CCDC73: variants seen among roughly 807,000 people sequenced by gnomAD.
The protein encoded by CCDC73 is coiled-coil domain-containing protein 73.
CCDC73 carries 95 observed loss-of-function variants against 116.5 expected under a neutral mutation model. That is an observed-to-expected ratio of 0.82 (90% CI 0.69 to 0.97). The LOEUF is 0.97. Ranked by LOEUF, CCDC73 falls within the 50% of genes least tolerant of loss-of-function variation. The pLI is 0.00. For missense variants in CCDC73, 1,066 were observed against 1,206.8 expected (o/e 0.88, Z 1.73); for synonymous variants, 398 against 401.3 (o/e 0.99, Z 0.10).
At chr11:32,636,127 G>A (rs1302354203) in intron 13 of CCDC73, among the ~76,000 whole-genome samples, 2 of 152,092 alleles carry the variant, frequency 1.3e-5, no homozygotes, top group Non-Finnish European at 2.9e-5. Flanking sequence ...AAATGGCAGT[G>A]AGGATTTAAT....
chr11:32,793,118 ATATGAAGCCG>A (rs1337749328), intron 1 of CCDC73, among the ~76,000 whole-genome samples: 1 of 152,206 alleles, frequency 6.6e-6, no homozygotes, highest in African/African-American at 2.4e-5. Context: ...TGACACTACG[ATATGAAGCCG>A]TATGGAAATT....
In CCDC73 at chr11:32,653,221, T is replaced by C; in HGVS notation, c.841A>G (p.Ile281Val). Residue 281 changes from isoleucine to valine, a missense_variant, in exon 12 of 18, where the codon ATC (isoleucine) becomes GTC (valine). Coordinates refer to ENST00000335185, the MANE Select transcript of CCDC73 (RefSeq NM_001008391.4). The part of the protein sequence containing the change: ...THIQEEKQDI[I>V]ISFQHMQQLL... ...TGCTGCATATGTTGGAAAGAAATGA[T>C]GATATCCTTTGAAAATACACAAATA... is the stretch of plus-strand genomic sequence containing the variant. The C allele has an allele frequency of 6.3e-7, 1 of 1,598,986 alleles. No homozygotes were observed. Among genetic ancestry groups the C allele is most frequent in the Non-Finnish European group, 8.6e-7 (1 of 1,168,454 alleles).
intron 2 of CCDC73, among the ~76,000 whole-genome samples, chr11:32,740,728 T>C (rs990130662): frequency 3.3e-5 from 5 of 152,120 alleles, no homozygotes; most frequent in African/African-American, 1.2e-4. Flanking sequence ...GGGTTTGGTT[T>C]GCTCTTGCTT....
intron 1 of CCDC73, among the ~76,000 whole-genome samples, chr11:32,768,098 T>A (rs961926695): frequency 2.0e-5 from 3 of 152,086 alleles, no homozygotes; most frequent in Non-Finnish European, 4.4e-5. Context: ...ATAGACTGGA[T>A]TAAGAAAATG....
rs772936854 is a variant in CCDC73 at position 32,708,306 on chromosome 11, G to T, written c.208-5362C>A. Reference sequence around the variant, plus strand: ...GTATCATGCTGTTTTGGTGACTATGGCCTTGTAGAATAGTTTGAAGTCAGG... The same window carrying T: ...GTATCATGCTGTTTTGGTGACTATGTCCTTGTAGAATAGTTTGAAGTCAGG... On this transcript the variant is annotated intron_variant, in intron 3 of 17. Transcript: ENST00000335185. 6.6e-5 allele frequency among the ~76,000 whole-genome samples: 10 copies of T among 152,214 alleles called. No homozygotes were observed. The East Asian group carries it at 1.5e-3, about 23-fold the overall frequency.
the CCDC73 span, among the ~76,000 whole-genome samples, chr11:32,828,939 T>C: frequency 6.6e-6 from 1 of 152,220 alleles, no homozygotes; most frequent in Admixed American, 6.5e-5. Context: ...AATGAGGTTA[T>C]AGCTATCCTA....
intron 17 of CCDC73, among the ~76,000 whole-genome samples, chr11:32,606,916 A>C (rs1855358977): frequency 1.4e-5 from 2 of 144,260 alleles, no homozygotes; most frequent in Non-Finnish European, 3.0e-5. Flanking sequence ...AGCTGGGACT[A>C]CAGGTGCCTG....
intron 13 of CCDC73, among the ~76,000 whole-genome samples, chr11:32,639,343 A>T (rs1181006658): frequency 6.6e-6 from 1 of 152,204 alleles, no homozygotes; most frequent in African/African-American, 2.4e-5. Context: ...TGCAGAGTGT[A>T]AGCTCTTTTG....
chr11:32,749,639 G>T (rs573311130), intron 2 of CCDC73, among the ~76,000 whole-genome samples: 247 of 152,118 alleles, frequency 1.6e-3, no homozygotes, highest in African/African-American at 5.7e-3. Context: ...TCACAGTCTG[G>T]CCTTTTTGTA....
intron 3 of CCDC73, among the ~76,000 whole-genome samples, chr11:32,717,575 A>AT: frequency 6.6e-6 from 1 of 152,334 alleles, no homozygotes; most frequent in Middle Eastern, 3.4e-3. Flanking sequence ...TTTTCTTGAG[A>AT]TTTTAAAATA....
chr11:32,745,827 G>A (rs557065011), intron 2 of CCDC73, among the ~76,000 whole-genome samples: 7 of 148,148 alleles, frequency 4.7e-5, no homozygotes, highest in Admixed American at 6.8e-5. Flanking sequence ...GTCTCTGCAC[G>A]TGAGGTGGGT....
intron 6 of CCDC73, among the ~76,000 whole-genome samples, chr11:32,686,246 AAG>A (rs931562638): frequency 6.6e-6 from 1 of 151,148 alleles, no homozygotes; most frequent in Non-Finnish European, 1.5e-5. Flanking sequence ...TAACTGGAAA[AAG>A]AGAGTTGTCA....
chr11:32,791,863 G>A (rs1056476197), intron 1 of CCDC73, among the ~76,000 whole-genome samples: 1 of 152,134 alleles, frequency 6.6e-6, no homozygotes, highest in African/African-American at 2.4e-5. Flanking sequence ...CTATTCAGGA[G>A]GCTGAGGTGA....
intron 6 of CCDC73, among the ~76,000 whole-genome samples, chr11:32,692,997 T>A (rs1856274584): frequency 1.3e-5 from 2 of 152,200 alleles, no homozygotes; most frequent in Non-Finnish European, 2.9e-5. Context: ...TGAAATGAAC[T>A]AACAAGGTAC....
upstream of CCDC73, among the ~76,000 whole-genome samples, chr11:32,796,308 A>G (rs937981035): frequency 6.6e-6 from 1 of 152,282 alleles, no homozygotes; most frequent in Non-Finnish European, 1.5e-5. Context: ...AAATAAATTC[A>G]TATGAATGAA....
At chr11:32,673,945 G>C (rs1192085112) in intron 9 of CCDC73, among the ~76,000 whole-genome samples, 1 of 152,134 alleles carries the variant, frequency 6.6e-6, no homozygotes, top group Non-Finnish European at 1.5e-5. Flanking sequence ...GAGAAGTAGT[G>C]ATCTGTTGAG....
chr11:32,614,915 T>G lies in CCDC73; in HGVS notation c.1403A>C (p.Lys468Thr), dbSNP rs1331409233. 1 of 1,602,672 alleles carries G rather than the reference T, an allele frequency of 6.2e-7. No homozygotes were observed. The highest frequency in any genetic ancestry group is 2.2e-5 in the East Asian group (1 of 44,720). Residue 468 changes from lysine (K) to threonine (T), a missense_variant, in exon 16 of 18, where the codon AAG becomes ACG. Lys to Thr is a moderately conservative substitution (Grantham distance 78). Transcript: ENST00000335185. ...DDLQLFEKSF[K>T]NEIDTVVSQD... ...AGAAACAACAGTATCAATTTCATTC[T>G]TGAAGCTTTTTTCAAAAAGCTGTAA...
At chr11:32,708,009 T>C (rs1211213856) in intron 3 of CCDC73, among the ~76,000 whole-genome samples, 1 of 152,132 alleles carries the variant, frequency 6.6e-6, no homozygotes, top group Non-Finnish European at 1.5e-5. Flanking sequence ...AGAATTTTTA[T>C]GGTTATTCTA....
At chr11:32,830,438 A>T in the CCDC73 span, 1 of 1,189,300 alleles carries the variant, frequency 8.4e-7, no homozygotes, top group Non-Finnish European at 1.1e-6. Flanking sequence ...TTGGTGATTC[A>T]GTTCGACAGA....
Sources: allele counts gnomAD v4.1 joint callset (sites outside exome capture counted in the v4.1 genomes callset), GRCh38; gene constraint gnomAD v4.1.1; transcripts MANE v1.5; gene names NCBI Gene and HGNC (gene_info 2026-07-23, HGNC 2026-07-21).